Variants in SCARA3 observed in about 807,000 individuals in gnomAD.
The protein encoded by SCARA3 is cellular stress response gene protein.
Under a neutral mutation model 47.0 loss-of-function variants are expected in SCARA3, and 39 were observed. The ratio of observed to expected loss-of-function variants is 0.83; its 90% CI spans 0.64 to 1.08. The LOEUF (loss-of-function observed/expected upper bound fraction) is 1.08, where lower values mean the gene tolerates loss of function less well. Ranked by LOEUF, SCARA3 falls within the 50% of genes least tolerant of loss-of-function variation. The pLI, the probability that SCARA3 is intolerant of heterozygous loss-of-function variation, is 0.00. For synonymous variants in SCARA3, 356 were observed against 334.1 expected (o/e 1.07, Z -0.71); for missense variants, 724 against 792.3 (o/e 0.91, Z 1.04).
Position 27,642,733 on chromosome 8 carries a change from A to G in SCARA3, c.8-6969A>G, listed in dbSNP as rs555460087. ...CAGCTACTTAGGAGGCTGAGGTGGG[A>G]GGATCGTTTGAACCCGGGAGGTCTA... On this transcript the variant is annotated intron_variant, in intron 1 of 5. Transcript: ENST00000301904. Among the ~76,000 whole-genome samples the G allele has an allele frequency of 2.0e-5, 3 of 152,288 alleles. No homozygotes were observed. In the South Asian group the frequency reaches 6.2e-4, roughly 32 times the overall value.
At position 27,671,835 on chromosome 8, in the gene SCARA3, A is replaced by AT; in HGVS notation, c.*489dup. On this transcript the variant is annotated 3_prime_UTR_variant, in exon 6 of 6. Coordinates refer to ENST00000301904, the MANE Select transcript of SCARA3 (RefSeq NM_016240.3). ...CATATATACACATGCACATACACAG[A>AT]TTTTTCTGCTGGCCAGGTGGGCCAA... is the stretch of plus-strand genomic sequence containing the variant. The AT allele has an allele frequency of 1.0e-6, 1 of 985,672 alleles. No individual in the cohort carries two copies. Among genetic ancestry groups the AT allele is most frequent in the Non-Finnish European group, 1.2e-6 (1 of 830,162 alleles). The allele number at this position is 985,672 out of a possible 1,614,324, so 61.1% of individuals were successfully genotyped here. A position where few individuals can be genotyped will look rare whatever the true frequency, so the allele number is the denominator to read the frequency against.
chr8:27,718,200 C>T, the SCARA3 span, among the ~76,000 whole-genome samples: 1 of 152,202 alleles, frequency 6.6e-6, no homozygotes, highest in Non-Finnish European at 1.5e-5. Context: ...ACTCCCTGGC[C>T]CAGGCCAGAG....
In SCARA3 at chr8:27,641,168, T is replaced by C. The variant is rs35780922; in HGVS notation, c.7+6961T>C. On this transcript the variant is annotated intron_variant, in intron 1 of 5. Coordinates refer to ENST00000301904, the MANE Select transcript of SCARA3 (RefSeq NM_016240.3). ...ACACCTTGGCCTAATTGTGTAATTATTCTCTTAACATGAAGTTCCTAGAAG... is the reference window on the plus strand; with the variant it reads ...ACACCTTGGCCTAATTGTGTAATTACTCTCTTAACATGAAGTTCCTAGAAG... Among the ~76,000 whole-genome samples the C allele has an allele frequency of 4.7e-3, 714 of 152,372 alleles. 6 individuals carry two copies. The highest frequency in any genetic ancestry group is 0.024 in the Middle Eastern group (7 of 294).
chr8:27,642,922 G>A (rs1801413538), intron 1 of SCARA3, among the ~76,000 whole-genome samples: 1 of 152,184 alleles, frequency 6.6e-6, no homozygotes, highest in South Asian at 2.1e-4. Flanking sequence ...GGGGGTTGGT[G>A]CTGTGGACAG....
the SCARA3 span, among the ~76,000 whole-genome samples, chr8:27,727,386 G>C: frequency 1.4e-3 from 213 of 152,288 alleles, no homozygotes; most frequent in African/African-American, 4.0e-3. Context: ...CTGAACCTCC[G>C]CGTGATGCGC....
the SCARA3 span, among the ~76,000 whole-genome samples, chr8:27,729,319 T>C: frequency 6.6e-6 from 1 of 152,224 alleles, no homozygotes; most frequent in African/African-American, 2.4e-5. Flanking sequence ...CTATGTGCTC[T>C]CTGGCTCATC....
chr8:27,675,558 G>A (rs1802262297), downstream of SCARA3, among the ~76,000 whole-genome samples: 3 of 152,196 alleles, frequency 2.0e-5, no homozygotes, highest in South Asian at 6.2e-4. Context: ...GGGAGGCCAA[G>A]GCAGGTGGAT....
At chr8:27,642,659 C>CA (rs1801407564) in intron 1 of SCARA3, among the ~76,000 whole-genome samples, 2 of 152,004 alleles carry the variant, frequency 1.3e-5, no homozygotes, top group Non-Finnish European at 2.9e-5. Context: ...CTTGTCTCTA[C>CA]AAAAAATAAG....
chr8:27,640,920 C>T (rs1451647827), intron 1 of SCARA3, among the ~76,000 whole-genome samples: 1 of 152,246 alleles, frequency 6.6e-6, no homozygotes, highest in Non-Finnish European at 1.5e-5. Flanking sequence ...TGATCTCAAA[C>T]TCTTGGGCTC....
At chr8:27,644,693 G>A (rs1339856638) in intron 1 of SCARA3, among the ~76,000 whole-genome samples, 1 of 151,002 alleles carries the variant, frequency 6.6e-6, no homozygotes, top group Non-Finnish European at 1.5e-5. Flanking sequence ...TCCTATAAAC[G>A]GAGTCTCTCT....
rs518570 is a variant in SCARA3 at position 27,672,409 on chromosome 8, T to C, written c.*1058T>C. On this transcript the variant is annotated 3_prime_UTR_variant, in exon 6 of 6. Coordinates refer to ENST00000301904, the MANE Select transcript of SCARA3 (RefSeq NM_016240.3). ...CTCTCTGCACAGCTGCCTCCCTTGC[T>C]CTCCCTGAGGCTGGCCTGCCCCATT... 0.67 allele frequency: 655,667 copies of C among 985,334 alleles called. 220,449 individuals are homozygous for C. The highest frequency in any genetic ancestry group is 0.69 in the Non-Finnish European group (571,944 of 830,062). 61.0% of individuals were successfully genotyped at this position (985,334 alleles called of 1,614,324 possible). A position where few individuals can be genotyped will look rare whatever the true frequency, so the allele number is the denominator to read the frequency against.
the SCARA3 span, among the ~76,000 whole-genome samples, chr8:27,729,283 C>T: frequency 6.6e-6 from 1 of 152,222 alleles, no homozygotes; most frequent in African/African-American, 2.4e-5. Context: ...TTCCCCACAA[C>T]TGAAGCAGCT....
the SCARA3 span, among the ~76,000 whole-genome samples, chr8:27,691,344 A>G: frequency 6.6e-6 from 1 of 152,092 alleles, no homozygotes; most frequent in African/African-American, 2.4e-5. Flanking sequence ...GAGTGACAGA[A>G]TCTCAGAGAG....
chr8:27,692,686 C>T, the SCARA3 span, among the ~76,000 whole-genome samples: 73,648 of 151,872 alleles, frequency 0.48, 18,146 homozygotes, highest in Middle Eastern at 0.61. Context: ...AAAAAAATTA[C>T]AATCTATTCT....
chr8:27,673,066 T>G (rs1802205472), downstream of SCARA3: 3 of 908,394 alleles, frequency 3.3e-6, no homozygotes, highest in African/African-American at 5.4e-5. Flanking sequence ...GCATGATGCC[T>G]TCAGGGCTGC....
intron 1 of SCARA3, 127 bp downstream of exon 1, chr8:27,634,334 CT>C: frequency 1.2e-6 from 1 of 847,638 alleles, no homozygotes; most frequent in Non-Finnish European, 1.6e-6. Context: ...GGCTTTTCCC[CT>C]GCCTTTTTGG....
rs752880654 is a variant in SCARA3 at position 27,656,893 on chromosome 8, G to A, written c.325+13G>A. On this transcript the variant is annotated intron_variant, in intron 4 of 5. Transcript: ENST00000301904. Reference sequence around the variant, plus strand: ...CTCCAGGGCCTGGGTAAGTAGATGGGCTGATGACTGTGATGCAGTGATCTT... The same window carrying A: ...CTCCAGGGCCTGGGTAAGTAGATGGACTGATGACTGTGATGCAGTGATCTT... 6.6e-7 allele frequency: 1 copy of A among 1,510,462 alleles called. No homozygotes were observed. Among genetic ancestry groups the A allele is most frequent in the Non-Finnish European group, 9.2e-7 (1 of 1,085,242 alleles). 93.6% of individuals were successfully genotyped at this position (1,510,462 alleles called of 1,614,324 possible).
chr8:27,696,546 C>T, the SCARA3 span, among the ~76,000 whole-genome samples: 1 of 151,990 alleles, frequency 6.6e-6, no homozygotes, highest in Non-Finnish European at 1.5e-5. Context: ...AACTTCTGAG[C>T]TCAGGCAATC....
At chr8:27,690,875 G>A in the SCARA3 span, among the ~76,000 whole-genome samples, 1 of 151,986 alleles carries the variant, frequency 6.6e-6, no homozygotes, top group African/African-American at 2.4e-5. Flanking sequence ...TGGAGAGGAG[G>A]TCTCTGTATA....
Sources: allele counts gnomAD v4.1 joint callset (sites outside exome capture counted in the v4.1 genomes callset), GRCh38; gene constraint gnomAD v4.1.1; transcripts MANE v1.5; gene names NCBI Gene and HGNC (gene_info 2026-07-23, HGNC 2026-07-21).